Variants in FER observed in about 807,000 individuals in gnomAD.
FER encodes FER tyrosine kinase.
Under a neutral mutation model 111.0 loss-of-function variants are expected in FER, and 63 were observed. The ratio of observed to expected loss-of-function variants is 0.57; its 90% CI spans 0.46 to 0.70. The LOEUF (loss-of-function observed/expected upper bound fraction) is 0.70. FER is among the 30% of genes least tolerant of loss of function. The pLI is 0.00. For synonymous variants in FER, 327 were observed against 313.9 expected (o/e 1.04, Z -0.44); for missense variants, 914 against 954.0 (o/e 0.96, Z 0.55).
chr5:108,946,036 A>G (rs1177986357), intron 10 of FER, 94 bp from the exon 11 acceptor site: 1 of 747,448 alleles, frequency 1.3e-6, no homozygotes, highest in Non-Finnish European at 2.2e-6. Context: ...GGAAGACATG[A>G]TGGATAAGCT....
At chr5:109,012,687 T>A (rs924432432) in intron 13 of FER, among the ~76,000 whole-genome samples, 24 of 152,244 alleles carry the variant, frequency 1.6e-4, no homozygotes, top group Non-Finnish European at 3.2e-4. Flanking sequence ...TTTGTCTTGA[T>A]AGGACATTAA....
At position 109,186,668 on chromosome 5, in the gene FER, A is replaced by G. The variant is rs375977856; in HGVS notation, c.2326+346A>G. On this transcript the variant is annotated intron_variant, in intron 19 of 19. Coordinates refer to ENST00000281092, the MANE Select transcript of FER (RefSeq NM_005246.4). Reference sequence around the variant, plus strand: ...AACCTCCTTTTAAATAATATTCCCAATTGAAATGCAGTTAGTCTTCAGGAA... The same window carrying G: ...AACCTCCTTTTAAATAATATTCCCAGTTGAAATGCAGTTAGTCTTCAGGAA... Among the ~76,000 whole-genome samples, 8 of 152,192 alleles carry G rather than the reference A, an allele frequency of 5.3e-5. No homozygotes were observed. In the South Asian group the frequency reaches 1.0e-3, roughly 20 times the overall value.
Position 109,050,408 on chromosome 5 carries a change from G to C in FER, c.1924+3210G>C, listed in dbSNP as rs117329696. On this transcript the variant is annotated intron_variant, in intron 16 of 19. Transcript: ENST00000281092. Reference sequence around the variant, plus strand: ...CTGTATGTGCATTATTTTCAAATCTGTGTTTGTGAGTTTGTACTGTATCTG... The same window carrying C: ...CTGTATGTGCATTATTTTCAAATCTCTGTTTGTGAGTTTGTACTGTATCTG... 1.7e-3 allele frequency among the ~76,000 whole-genome samples: 257 copies of C among 152,264 alleles called. 2 individuals are homozygous for C. In the East Asian group the frequency reaches 0.023, roughly 14 times the overall value.
intron 2 of FER, among the ~76,000 whole-genome samples, chr5:108,774,501 C>A (rs1410651875): frequency 6.6e-6 from 1 of 152,150 alleles, no homozygotes; most frequent in East Asian, 1.9e-4. Context: ...AATGGTTGAA[C>A]TAATTTACAT....
intron 17 of FER, among the ~76,000 whole-genome samples, chr5:109,136,389 A>G (rs1390123137): frequency 6.6e-6 from 1 of 152,202 alleles, no homozygotes; most frequent in Non-Finnish European, 1.5e-5. Flanking sequence ...TAGAATACAT[A>G]TATAAAAAAT....
intron 2 of FER, among the ~76,000 whole-genome samples, chr5:108,783,578 A>G (rs1187836490): frequency 6.6e-6 from 1 of 152,012 alleles, no homozygotes; most frequent in Non-Finnish European, 1.5e-5. Context: ...GGCTAGTTCA[A>G]CCTTTTATTT....
intron 10 of FER, among the ~76,000 whole-genome samples, chr5:108,942,108 ATG>A (rs1365055622): frequency 6.6e-6 from 1 of 152,114 alleles, no homozygotes; most frequent in Non-Finnish European, 1.5e-5. Flanking sequence ...TTAAAAAAAT[ATG>A]TTTAGCCATT....
chr5:108,985,893 G>A (rs1252877619), intron 13 of FER, among the ~76,000 whole-genome samples: 1 of 152,150 alleles, frequency 6.6e-6, no homozygotes, highest in Non-Finnish European at 1.5e-5. Flanking sequence ...TGCTCCTGTA[G>A]ACATGTGTAT....
At chr5:109,043,527 A>G (rs1771487022) in intron 14 of FER, among the ~76,000 whole-genome samples, 3 of 152,202 alleles carry the variant, frequency 2.0e-5, no homozygotes, top group Admixed American at 6.5e-5. Context: ...AATTTTATTT[A>G]TTAATAAGCC....
chr5:109,152,944 A>G (rs1311506716), intron 17 of FER, among the ~76,000 whole-genome samples: 1 of 151,972 alleles, frequency 6.6e-6, no homozygotes, highest in East Asian at 1.9e-4. Flanking sequence ...AAATAGATTA[A>G]CAGTGGATTA....
chr5:108,839,407 G>C (rs910764937), intron 5 of FER, among the ~76,000 whole-genome samples: 1 of 152,054 alleles, frequency 6.6e-6, no homozygotes, highest in Non-Finnish European at 1.5e-5. Context: ...GGGGAGTTAG[G>C]CTAGTCAAGT....
chr5:108,774,750 T>C (rs1383205452), intron 2 of FER, among the ~76,000 whole-genome samples: 2 of 152,114 alleles, frequency 1.3e-5, no homozygotes, highest in East Asian at 1.9e-4. Context: ...GTTTTTTTTT[T>C]CTTGTAAATT....
At chr5:109,158,424 T>A (rs1038354603) in intron 17 of FER, among the ~76,000 whole-genome samples, 1 of 151,872 alleles carries the variant, frequency 6.6e-6, no homozygotes, top group Admixed American at 6.6e-5. Flanking sequence ...AAAATAAAAA[T>A]TAGTCTATAT....
At chr5:109,156,205 G>C (rs1371501299) in intron 17 of FER, among the ~76,000 whole-genome samples, 1 of 151,996 alleles carries the variant, frequency 6.6e-6, no homozygotes, top group African/African-American at 2.4e-5. Flanking sequence ...GGAGGTAAGA[G>C]GTGATGGTAG....
chr5:108,797,545 A>C (rs894288429), intron 2 of FER, among the ~76,000 whole-genome samples: 2 of 152,122 alleles, frequency 1.3e-5, no homozygotes, highest in African/African-American at 4.8e-5. Flanking sequence ...AAAGTCCCAC[A>C]ATCACAGTGC....
At chr5:109,067,739 ACT>A (rs1028911962) in intron 16 of FER, among the ~76,000 whole-genome samples, 2 of 151,892 alleles carry the variant, frequency 1.3e-5, no homozygotes, top group African/African-American at 4.8e-5. Flanking sequence ...GTTAAATTCT[ACT>A]CTCTTGAATA....
intron 10 of FER, among the ~76,000 whole-genome samples, chr5:108,943,368 T>TA (rs1442632200): frequency 4.0e-4 from 61 of 152,222 alleles, no homozygotes; most frequent in Non-Finnish European, 1.5e-4. Flanking sequence ...CTCAGACTCA[T>TA]ACTCTTTATC....
intron 10 of FER, among the ~76,000 whole-genome samples, chr5:108,934,271 T>G (rs1755129713): frequency 6.6e-6 from 1 of 152,082 alleles, no homozygotes; most frequent in Non-Finnish European, 1.5e-5. Context: ...TGCAAGTCAT[T>G]TCACCCCCTC....
At chr5:109,068,328 C>T (rs972809343) in intron 16 of FER, among the ~76,000 whole-genome samples, 2 of 151,988 alleles carry the variant, frequency 1.3e-5, no homozygotes, top group Non-Finnish European at 2.9e-5. Flanking sequence ...GGGCTATAGG[C>T]GCCCGCCTCC....
Sources: gnomAD v4.1 joint callset for allele counts (sites outside exome capture counted in the v4.1 genomes callset) on GRCh38, gnomAD v4.1.1 for gene constraint, MANE v1.5 for transcripts, NCBI Gene and HGNC (gene_info 2026-07-23, HGNC 2026-07-21) for gene names.